Variants in SHISA9 observed in about 807,000 individuals in gnomAD.
SHISA9 encodes the protein shisa family member 9, also known as protein shisa-9.
A neutral mutation model predicts 38.0 loss-of-function variants in SHISA9; 13 were observed. The observed-to-expected ratio is 0.34, with a 90% CI of 0.22 to 0.54. SHISA9 has a LOEUF of 0.54. SHISA9 is among the 20% of genes least tolerant of loss of function. The pLI is 0.91. For missense variants in SHISA9, 538 were observed against 575.8 expected, an observed-to-expected ratio of 0.93 and a Z score of 0.67; for synonymous variants, 275 against 242.0, an observed-to-expected ratio of 1.14 and a Z score of -1.27.
the SHISA9 span, among the ~76,000 whole-genome samples, chr16:13,439,633 C>G: frequency 6.6e-5 from 10 of 152,056 alleles, no homozygotes; most frequent in East Asian, 1.9e-4. Context: ...TGGAAGAAAC[C>G]AAAAATGGCA....
chr16:13,072,142 C>T (rs35260095), intron 2 of SHISA9, among the ~76,000 whole-genome samples: 6,025 of 152,302 alleles, frequency 0.04, 135 homozygotes, highest in Admixed American at 0.071. Context: ...CCTAGTGGAC[C>T]GTTGGCTGGC....
At chr16:13,111,500 C>G (rs77818332) in intron 2 of SHISA9, among the ~76,000 whole-genome samples, 11,603 of 152,142 alleles carry the variant, frequency 0.076, 617 homozygotes, top group Admixed American at 0.15. Flanking sequence ...TCTGTAAAGT[C>G]AGACTGAAAA....
chr16:13,304,362 T>A, the SHISA9 span, among the ~76,000 whole-genome samples: 1 of 152,194 alleles, frequency 6.6e-6, no homozygotes, highest in African/African-American at 2.4e-5. Flanking sequence ...CAGGCTCAGG[T>A]GAACCTCCCA....
chr16:12,968,677 C>T (rs192616960), intron 2 of SHISA9, among the ~76,000 whole-genome samples: 1 of 152,206 alleles, frequency 6.6e-6, no homozygotes, highest in Non-Finnish European at 1.5e-5. Context: ...GTGTGTGGTT[C>T]TGTTTATGGA....
the SHISA9 span, among the ~76,000 whole-genome samples, chr16:13,326,055 C>G: frequency 7.0e-6 from 1 of 142,458 alleles, no homozygotes; most frequent in Non-Finnish European, 1.5e-5. Flanking sequence ...TATCCCAGAA[C>G]TTAAAGTCAA....
chr16:13,421,042 C>T, the SHISA9 span, among the ~76,000 whole-genome samples: 1 of 152,186 alleles, frequency 6.6e-6, no homozygotes, highest in African/African-American at 2.4e-5. Flanking sequence ...ACTAATTAAA[C>T]TGGCACCAAT....
the SHISA9 span, among the ~76,000 whole-genome samples, chr16:13,327,676 A>G: frequency 6.6e-6 from 1 of 151,694 alleles, no homozygotes; most frequent in Non-Finnish European, 1.5e-5. Context: ...TTTTTTTTTG[A>G]GACAGGGTCT....
At chr16:13,269,982 A>AGTTGGAAGATGTACAACAG in the SHISA9 span, among the ~76,000 whole-genome samples, 1 of 152,180 alleles carries the variant, frequency 6.6e-6, no homozygotes, top group Non-Finnish European at 1.5e-5. Context: ...GTTCAAGGGC[A>AGTTGGAAGATGTACAACAG]TTAGAATGAG....
At chr16:13,207,771 T>C (rs2051079826) in intron 3 of SHISA9, among the ~76,000 whole-genome samples, 2 of 152,224 alleles carry the variant, frequency 1.3e-5, no homozygotes, top group South Asian at 4.1e-4. Flanking sequence ...ATAAATGTTC[T>C]TTCAAGGGTT....
At chr16:13,134,821 A>G (rs1440583939) in intron 2 of SHISA9, among the ~76,000 whole-genome samples, 1 of 152,166 alleles carries the variant, frequency 6.6e-6, no homozygotes, top group African/African-American at 2.4e-5. Flanking sequence ...CAATGTATGG[A>G]GTGCCTCTAG....
chr16:13,084,873 C>T (rs1018388272), intron 2 of SHISA9, among the ~76,000 whole-genome samples: 5 of 152,100 alleles, frequency 3.3e-5, no homozygotes, highest in African/African-American at 1.2e-4. Context: ...GACGGAACAG[C>T]TTATGAATGA....
chr16:12,970,391 A>ATATATATATACATATATG (rs2072049153), intron 2 of SHISA9, among the ~76,000 whole-genome samples: 1 of 9,410 alleles, frequency 1.1e-4, no homozygotes, highest in African/African-American at 3.1e-4. Context: ...ACATATATGT[A>ATATATATATACATATATG]TATATATATA....
At chr16:13,414,226 C>T in the SHISA9 span, among the ~76,000 whole-genome samples, 1 of 152,172 alleles carries the variant, frequency 6.6e-6, no homozygotes, top group African/African-American at 2.4e-5. Context: ...AGGAGGAAAA[C>T]AAACCCTATG....
At chr16:13,232,753 G>T (rs2856623) in intron 4 of SHISA9, among the ~76,000 whole-genome samples, 27,104 of 152,108 alleles carry the variant, frequency 0.18, 2,712 homozygotes, top group Admixed American at 0.31. Flanking sequence ...GTTGACAATT[G>T]GTTGAGTCTA....
the SHISA9 span, among the ~76,000 whole-genome samples, chr16:13,546,586 A>G: frequency 6.6e-6 from 1 of 152,246 alleles, no homozygotes; most frequent in Non-Finnish European, 1.5e-5. Context: ...CTAAATGGAT[A>G]ACAACGTGAA....
chr16:12,918,014 T>C lies in SHISA9; in HGVS notation c.691+1199T>C, dbSNP rs140756466. 1.2e-3 allele frequency among the ~76,000 whole-genome samples: 183 copies of C among 152,322 alleles called. 3 individuals are homozygous for C. The highest frequency in any genetic ancestry group is 4.2e-3 in the African/African-American group (174 of 41,566). On this transcript the variant is annotated intron_variant, in intron 2 of 4. Transcript: ENST00000558583. ...TTTGGAAATTGTTGCAGTGTGTTAG[T>C]AAAGTCAATGTTTGCATGGTTTGAA...
chr16:13,049,457 A>G (rs998230474), intron 2 of SHISA9, among the ~76,000 whole-genome samples: 3 of 152,122 alleles, frequency 2.0e-5, no homozygotes, highest in African/African-American at 7.2e-5. Context: ...GGGATTCATC[A>G]GGAAATGACC....
At chr16:13,198,557 A>C (rs944909218) in intron 2 of SHISA9, among the ~76,000 whole-genome samples, 1 of 151,962 alleles carries the variant, frequency 6.6e-6, no homozygotes, top group African/African-American at 2.4e-5. Context: ...TTGGATTCCA[A>C]CCTGGGCTTA....
At chr16:13,217,717 G>A (rs1315452223) in intron 4 of SHISA9, among the ~76,000 whole-genome samples, 1 of 152,110 alleles carries the variant, frequency 6.6e-6, no homozygotes, top group Non-Finnish European at 1.5e-5. Context: ...TCATCCTGAT[G>A]GAATCTTTCA....
Sources: gnomAD v4.1 joint callset for allele counts (sites outside exome capture counted in the v4.1 genomes callset) on GRCh38, gnomAD v4.1.1 for gene constraint, MANE v1.5 for transcripts, NCBI Gene and HGNC (gene_info 2026-07-23, HGNC 2026-07-21) for gene names.